The following STAU1 variants were observed in gnomAD, a reference collection of about 807,000 sequenced individuals.
STAU1 encodes the protein double-stranded RNA-binding protein Staufen homolog 1.
STAU1 carries 13 observed loss-of-function variants against 62.9 expected under a neutral mutation model. The observed-to-expected ratio is 0.21, with a 90% CI of 0.13 to 0.33. The LOEUF (loss-of-function observed/expected upper bound fraction) is 0.33. Among genes scored for constraint, STAU1 ranks in the 10% least tolerant of loss-of-function variants. STAU1 has a pLI of 1.00. For missense variants in STAU1, 571 were observed against 712.1 expected, an observed-to-expected ratio of 0.80 and a Z score of 2.25; for synonymous variants, 269 against 265.1, an observed-to-expected ratio of 1.01 and a Z score of -0.14.
chr20:49,126,574 C>CAAAAAAAA (rs58056780), intron 6 of STAU1, among the ~76,000 whole-genome samples: 1 of 25,040 alleles, frequency 4.0e-5, no homozygotes, highest in Non-Finnish European at 8.1e-5. Flanking sequence ...TCTCAAAAAG[C>CAAAAAAAA]AAAAAAAAAA....
chr20:49,168,600 A>G (rs1429696103), intron 2 of STAU1, among the ~76,000 whole-genome samples: 2 of 152,218 alleles, frequency 1.3e-5, no homozygotes, highest in Non-Finnish European at 2.9e-5. Context: ...GATAAATATG[A>G]AAATGCAACA....
chr20:49,114,963 A>T, intron 13 of STAU1, 70 bp from the exon 14 acceptor site: 1 of 1,525,174 alleles, frequency 6.6e-7, no homozygotes, highest in Non-Finnish European at 9.0e-7. Flanking sequence ...GTTAAAAATG[A>T]AAAGAAATTG....
In STAU1 at chr20:49,117,021, G is replaced by A; in HGVS notation, c.1632+105C>T. ...ACGATTCATTGCTCTCAAGGTCTAT[G>A]GGACAATCTTTCTCCCATCTTCCTC... On this transcript the variant is annotated intron_variant, in intron 12 of 13. Transcript: ENST00000371856. The surrounding 1 kb of genome is among the most constrained non-coding windows in gnomAD (Gnocchi z 4.6). 2.1e-6 allele frequency: 3 copies of A among 1,437,810 alleles called. No homozygotes were observed. Among genetic ancestry groups the A allele is most frequent in the Non-Finnish European group, 1.9e-6 (2 of 1,048,002 alleles). The allele number at this position is 1,437,810 out of a possible 1,614,324, so 89.1% of individuals were successfully genotyped here.
chr20:49,154,286 TG>T (rs1435133705), intron 3 of STAU1, among the ~76,000 whole-genome samples: 1 of 152,310 alleles, frequency 6.6e-6, no homozygotes, highest in East Asian at 1.9e-4. Context: ...AAATCTACTC[TG>T]AGGGTTACCA....
At position 49,117,693 on chromosome 20, in the gene STAU1, C is replaced by T. The variant is rs1308555444; in HGVS notation, c.1509+84G>A. ...CAGAACTTGATTTAAGAAAAAAGTA[C>T]AAAGTTCAAAGTTCATTTTCTGAGA... On this transcript the variant is annotated intron_variant, in intron 11 of 13. Coordinates refer to ENST00000371856, the MANE Select transcript of STAU1 (RefSeq NM_017453.4). This position sits in a 1 kb window ranked among gnomAD's most constrained non-coding sequence, Gnocchi z 4.6. 17 of 1,417,018 alleles carry T rather than the reference C, an allele frequency of 1.2e-5. No individual in the cohort carries two copies. The highest frequency in any genetic ancestry group is 1.6e-5 in the Non-Finnish European group (17 of 1,059,004). 87.8% of individuals were successfully genotyped at this position (1,417,018 alleles called of 1,614,324 possible).
intron 5 of STAU1, among the ~76,000 whole-genome samples, chr20:49,136,877 T>C (rs1175160705): frequency 6.6e-6 from 1 of 152,164 alleles, no homozygotes; most frequent in African/African-American, 2.4e-5. Flanking sequence ...TTTGTATTTT[T>C]AGTAGATACG....
At chr20:49,154,895 G>A (rs536384382) in intron 3 of STAU1, among the ~76,000 whole-genome samples, 1 of 150,534 alleles carries the variant, frequency 6.6e-6, no homozygotes, top group Non-Finnish European at 1.5e-5. Context: ...GACCAGCCTG[G>A]CTAACACGGT....
chr20:49,128,687 C>T (rs2092684740), intron 6 of STAU1, among the ~76,000 whole-genome samples: 1 of 150,108 alleles, frequency 6.7e-6, no homozygotes, highest in Non-Finnish European at 1.5e-5. Context: ...TAATCCCAGC[C>T]TGGGCGACAA....
chr20:49,182,445 ATATT>A (rs1026722916), intron 1 of STAU1, among the ~76,000 whole-genome samples: 9 of 152,252 alleles, frequency 5.9e-5, no homozygotes, highest in Non-Finnish European at 1.0e-4. Flanking sequence ...ACACAGCTAT[ATATT>A]TATAATCCTA....
At chr20:49,121,783 C>A (rs922588564) in intron 8 of STAU1, among the ~76,000 whole-genome samples, 5 of 152,136 alleles carry the variant, frequency 3.3e-5, no homozygotes, top group Admixed American at 1.3e-4. Context: ...CTCATTCCAC[C>A]AAACCACCCT....
intron 8 of STAU1, among the ~76,000 whole-genome samples, 175 bp from the exon 9 acceptor site, chr20:49,120,303 A>G (rs942487230): frequency 5.3e-5 from 8 of 152,242 alleles, no homozygotes; most frequent in South Asian, 4.1e-4. Flanking sequence ...GGAGTTTGGG[A>G]AGCTGGCTGT....
chr20:49,154,745 AGTC>A (rs1403377778), intron 3 of STAU1, among the ~76,000 whole-genome samples: 2 of 152,086 alleles, frequency 1.3e-5, no homozygotes, highest in Non-Finnish European at 2.9e-5. Flanking sequence ...GGGTGCCTGC[AGTC>A]CCAGCTACTC....
chr20:49,183,200 T>C (rs549659412), intron 1 of STAU1, among the ~76,000 whole-genome samples: 1 of 152,312 alleles, frequency 6.6e-6, no homozygotes, highest in Non-Finnish European at 1.5e-5. Context: ...AGGTCTAGTG[T>C]GAAACAAATC....
At chr20:49,150,229 G>A (rs1312264084) in intron 5 of STAU1, among the ~76,000 whole-genome samples, 1 of 152,126 alleles carries the variant, frequency 6.6e-6, no homozygotes, top group Non-Finnish European at 1.5e-5. Context: ...TATCATGGTG[G>A]TTTTAAAACA....
chr20:49,174,125 C>T lies in STAU1; in HGVS notation c.-85+70G>A, dbSNP rs1600851332. ...GAAGTAAAAATCATTCTCCACACAA[C>T]TCATTAAAGAATTCAAAAGTACCAC... is the stretch of plus-strand genomic sequence containing the variant. On this transcript the variant is annotated intron_variant, in intron 2 of 13. Coordinates refer to ENST00000371856, the MANE Select transcript of STAU1 (RefSeq NM_017453.4). 4 of 152,258 alleles carry T rather than the reference C, an allele frequency of 2.6e-5. 1 individual carries two copies. Among genetic ancestry groups the T allele is most frequent in the Admixed American group, 2.6e-4 (4 of 15,294 alleles). 9.4% of individuals were successfully genotyped at this position (152,258 alleles called of 1,614,324 possible). A position where few individuals can be genotyped will look rare whatever the true frequency, so the allele number is the denominator to read the frequency against.
intron 1 of STAU1, among the ~76,000 whole-genome samples, chr20:49,180,493 T>A (rs550571999): frequency 6.6e-6 from 1 of 152,106 alleles, no homozygotes; most frequent in African/African-American, 2.4e-5. Flanking sequence ...CCAGCTAATT[T>A]TTGTATTTTT....
At chr20:49,195,925 G>GAAAAAAAAAAAAAAAAAAAAGA in the STAU1 span, among the ~76,000 whole-genome samples, 1 of 93,754 alleles carries the variant, frequency 1.1e-5, no homozygotes, top group Non-Finnish European at 2.0e-5. Context: ...AAAGAAAAAA[G>GAAAAAAAAAAAAAAAAAAAAGA]AAAAAAAAAA....
intron 3 of STAU1, among the ~76,000 whole-genome samples, chr20:49,162,570 C>A (rs1050849574): frequency 1.0e-4 from 15 of 150,512 alleles, no homozygotes; most frequent in Admixed American, 2.6e-4. Flanking sequence ...GTCAGAAGAT[C>A]AAAACCATCC....
intron 3 of STAU1, among the ~76,000 whole-genome samples, chr20:49,157,210 A>G (rs1600774945): frequency 6.6e-6 from 1 of 152,238 alleles, no homozygotes; most frequent in South Asian, 2.1e-4. Context: ...CTCATGAAAG[A>G]TATTTTGCAA....
Sources: gnomAD v4.1 joint callset for allele counts (sites outside exome capture counted in the v4.1 genomes callset) on GRCh38, gnomAD v4.1.1 for gene constraint, Gnocchi (gnomAD v3.1) non-coding constraint, MANE v1.5 for transcripts, NCBI Gene and HGNC (gene_info 2026-07-23, HGNC 2026-07-21) for gene names.